The following BLTP1 variants were observed in gnomAD, a reference collection of about 807,000 sequenced individuals.
BLTP1 encodes fragile site-associated protein.
the BLTP1 span, chr4:122,304,860 T>C: frequency 5.0e-6 from 8 of 1,613,984 alleles, no homozygotes; most frequent in African/African-American, 8.0e-5. Context: ...CTGGATTGAT[T>C]GAACTGGAAC....
At chr4:122,234,637 CTTTGTG>C in the BLTP1 span, 1 of 1,004,700 alleles carries the variant, frequency 1.0e-6, no homozygotes, top group Non-Finnish European at 1.4e-6. Context: ...GGGAATAAAC[CTTTGTG>C]TTTGTGTTTA....
the BLTP1 span, chr4:122,209,764 T>C: frequency 1.9e-6 from 3 of 1,585,866 alleles, no homozygotes; most frequent in Admixed American, 3.7e-5. Context: ...GGTATCTCTG[T>C]ACAATTAAAG....
At chr4:122,194,498 T>G in the BLTP1 span, 5 of 847,290 alleles carry the variant, frequency 5.9e-6, no homozygotes, top group Non-Finnish European at 7.1e-6. Context: ...ATATAGCATA[T>G]AGTTGAAAAT....
chr4:122,310,186 C>T, the BLTP1 span, among the ~76,000 whole-genome samples: 1 of 151,952 alleles, frequency 6.6e-6, no homozygotes, highest in African/African-American at 2.4e-5. Flanking sequence ...TTCCTCTCTC[C>T]ACTAGAGGGA....
At chr4:122,340,866 A>T in the BLTP1 span, 2 of 909,674 alleles carry the variant, frequency 2.2e-6, no homozygotes, top group African/African-American at 1.8e-5. Context: ...TGAAAATGAG[A>T]ATATCCCTTT....
the BLTP1 span, chr4:122,180,049 C>T: frequency 1.1e-5 from 5 of 436,438 alleles, no homozygotes; most frequent in Non-Finnish European, 1.2e-5. Flanking sequence ...CACACATACA[C>T]ACACACACAC....
At chr4:122,349,243 G>A in the BLTP1 span, 1 of 1,613,476 alleles carries the variant, frequency 6.2e-7, no homozygotes, top group Non-Finnish European at 8.5e-7. This position sits in a 1 kb window ranked among gnomAD's most constrained non-coding sequence, Gnocchi z 4.5. Flanking sequence ...TGTTGGTCTG[G>A]GAAGATCACA....
chr4:122,159,944 C>T, the BLTP1 span, among the ~76,000 whole-genome samples: 1 of 152,118 alleles, frequency 6.6e-6, no homozygotes, highest in African/African-American at 2.4e-5. Flanking sequence ...GTATAGAATC[C>T]TGGGACTGAA....
chr4:122,276,123 T>C, the BLTP1 span: 11 of 1,044,026 alleles, frequency 1.1e-5, no homozygotes, highest in Non-Finnish European at 1.4e-5. Flanking sequence ...TATTTAGTTA[T>C]TGTTTTGTAG....
At chr4:122,162,961 T>G in the BLTP1 span, among the ~76,000 whole-genome samples, 1 of 152,204 alleles carries the variant, frequency 6.6e-6, no homozygotes, top group Non-Finnish European at 1.5e-5. Flanking sequence ...CACATATGTA[T>G]GCTCTGGATT....
At chr4:122,292,428 A>C in the BLTP1 span, 1 of 833,312 alleles carries the variant, frequency 1.2e-6, no homozygotes, top group Non-Finnish European at 1.4e-6. Context: ...TTCAAAGTGA[A>C]AGTGTGCTAA....
chr4:122,348,901 G>A, the BLTP1 span: 2 of 542,854 alleles, frequency 3.7e-6, no homozygotes, highest in Non-Finnish European at 6.3e-6. Flanking sequence ...AAAACATCAT[G>A]AAATATATGT....
the BLTP1 span, chr4:122,221,939 T>G: frequency 1.8e-5 from 18 of 976,296 alleles, no homozygotes; most frequent in Non-Finnish European, 2.2e-5. Flanking sequence ...TAGAAAACAT[T>G]TTATTGAGCT....
the BLTP1 span, chr4:122,334,390 C>T: frequency 6.2e-7 from 1 of 1,611,946 alleles, no homozygotes; most frequent in Non-Finnish European, 8.5e-7. Flanking sequence ...CCTAATGCCT[C>T]CAGGGGATCT....
the BLTP1 span, chr4:122,156,026 C>T: frequency 2.1e-6 from 2 of 947,460 alleles, no homozygotes; most frequent in South Asian, 4.9e-5. Flanking sequence ...AGAATGAATT[C>T]TCTGGCTTGG....
chr4:122,250,452 A>G, the BLTP1 span: 13 of 1,613,802 alleles, frequency 8.1e-6, no homozygotes, highest in South Asian at 4.4e-5. Flanking sequence ...CTGACATCCA[A>G]TAATTCTTCT....
chr4:122,309,549 G>A, the BLTP1 span: 3 of 1,306,804 alleles, frequency 2.3e-6, no homozygotes, highest in Non-Finnish European at 3.2e-6. Flanking sequence ...AAGATGCTTA[G>A]ATATAGCAAA....
the BLTP1 span, chr4:122,170,177 A>T: frequency 2.6e-5 from 8 of 308,180 alleles, no homozygotes; most frequent in Non-Finnish European, 3.8e-5. Flanking sequence ...GTGGTGACGC[A>T]TGCCTGTAAT....
At chr4:122,170,923 T>C in the BLTP1 span, among the ~76,000 whole-genome samples, 4 of 152,192 alleles carry the variant, frequency 2.6e-5, no homozygotes, top group East Asian at 1.9e-4. Flanking sequence ...TCTGAAATGC[T>C]CTACTTTTTC....
Sources: gnomAD v4.1 joint callset for allele counts (sites outside exome capture counted in the v4.1 genomes callset) on GRCh38, gnomAD v4.1.1 for gene constraint, Gnocchi (gnomAD v3.1) non-coding constraint, MANE v1.5 for transcripts, NCBI Gene and HGNC (gene_info 2026-07-23, HGNC 2026-07-21) for gene names.